CSMD2: variants seen among roughly 807,000 people sequenced by gnomAD.
The protein encoded by CSMD2 is CUB and sushi domain-containing protein 2.
A neutral mutation model predicts 398.5 loss-of-function variants in CSMD2; 130 were observed. The ratio of observed to expected loss-of-function variants is 0.33; its 90% CI spans 0.28 to 0.38. The LOEUF (loss-of-function observed/expected upper bound fraction) is 0.38, where lower values mean the gene tolerates loss of function less well. CSMD2 is among the 10% of genes least tolerant of loss of function. CSMD2 has a pLI of 1.00. For synonymous variants in CSMD2, 1,828 were observed against 1,908.5 expected (o/e 0.96, Z 1.10); for missense variants, 3,829 against 4,764.9 (o/e 0.80, Z 5.78).
Position 33,820,565 on chromosome 1 carries a change from CA to C in CSMD2, c.1112-10del, listed in dbSNP as rs753962666. 0.26 allele frequency: 114,847 copies of C among 437,602 alleles called. 6,307 individuals carry two copies. Among genetic ancestry groups the C allele is most frequent in the African/African-American group, 0.35 (10,517 of 29,950 alleles). The allele number at this position is 437,602 out of a possible 1,614,324, so 27.1% of individuals were successfully genotyped here. A position where few individuals can be genotyped will look rare whatever the true frequency, so the allele number is the denominator to read the frequency against. On this transcript the variant is annotated splice_polypyrimidine_tract_variant and intron_variant, in intron 7 of 70. Coordinates refer to ENST00000373381, the MANE Select transcript of CSMD2 (RefSeq NM_001281956.2). The stretch of plus-strand genomic sequence containing the variant: ...CACACCAACCTGAGTTACTACAAGG[CA>C]AAAAAAAAAAAAAAAAAAAAAACAG...
chr1:33,972,582 G>T (rs1347878648), intron 3 of CSMD2, among the ~76,000 whole-genome samples: 1 of 152,124 alleles, frequency 6.6e-6, no homozygotes, highest in Non-Finnish European at 1.5e-5. Flanking sequence ...CTGTGACCGT[G>T]GAAGTAGGAG....
intron 3 of CSMD2, among the ~76,000 whole-genome samples, chr1:33,938,807 AT>A (rs1181040340): frequency 2.0e-5 from 3 of 148,448 alleles, no homozygotes; most frequent in Non-Finnish European, 4.4e-5. Flanking sequence ...ATTTCCCATG[AT>A]CCCACACTGC....
At chr1:33,661,563 T>C (rs1204912154) in intron 26 of CSMD2, among the ~76,000 whole-genome samples, 1 of 152,204 alleles carries the variant, frequency 6.6e-6, no homozygotes, top group Non-Finnish European at 1.5e-5. Flanking sequence ...CCAGCATCAC[T>C]TGATCATGCA....
chr1:33,835,880 G>T (rs1199339643), intron 6 of CSMD2, among the ~76,000 whole-genome samples: 3 of 152,080 alleles, frequency 2.0e-5, no homozygotes, highest in Non-Finnish European at 4.4e-5. Flanking sequence ...GTCATTCTCT[G>T]TCCAGCTTCG....
intron 5 of CSMD2, among the ~76,000 whole-genome samples, chr1:33,848,329 G>A (rs571047014): frequency 5.9e-5 from 9 of 152,172 alleles, no homozygotes; most frequent in Non-Finnish European, 1.2e-4. Flanking sequence ...TTCACAATCT[G>A]GGGCTATAGC....
chr1:33,763,354 A>G (rs987543860), intron 13 of CSMD2, among the ~76,000 whole-genome samples: 3 of 152,192 alleles, frequency 2.0e-5, no homozygotes, highest in Non-Finnish European at 4.4e-5. Flanking sequence ...GGAGTTTTTT[A>G]GAACTACAAT....
intron 40 of CSMD2, among the ~76,000 whole-genome samples, chr1:33,612,136 A>T (rs933232818): frequency 3.9e-5 from 6 of 152,236 alleles, no homozygotes; most frequent in Non-Finnish European, 8.8e-5. Flanking sequence ...CAAGATCAAG[A>T]AGGTCCTTGT....
At chr1:33,997,247 T>C (rs1316018736) in intron 3 of CSMD2, among the ~76,000 whole-genome samples, 1 of 152,142 alleles carries the variant, frequency 6.6e-6, no homozygotes, top group African/African-American at 2.4e-5. Context: ...GCTGGGATCA[T>C]GTGGCAGATT....
Position 33,724,499 on chromosome 1 carries a change from C to G in CSMD2, c.2884+17G>C. On this transcript the variant is annotated intron_variant, in intron 18 of 70. Coordinates refer to ENST00000373381, the MANE Select transcript of CSMD2 (RefSeq NM_001281956.2). ...GAGGAGTCTGCTACTTTAGCGCCCC[C>G]TCATGGTGTCCCTCACCTTCACAAC... is the stretch of plus-strand genomic sequence containing the variant. 5.6e-6 allele frequency: 9 copies of G among 1,610,398 alleles called. No homozygotes were observed. Among genetic ancestry groups the G allele is most frequent in the Non-Finnish European group, 5.9e-6 (7 of 1,177,922 alleles).
At chr1:33,741,140 G>A (rs865899918) in intron 14 of CSMD2, among the ~76,000 whole-genome samples, 4 of 152,146 alleles carry the variant, frequency 2.6e-5, no homozygotes, top group South Asian at 2.1e-4. Context: ...GTTACCGGGA[G>A]TTCTAGGGGT....
At chr1:33,543,510 T>A (rs1454010083) in intron 57 of CSMD2, among the ~76,000 whole-genome samples, 5 of 152,256 alleles carry the variant, frequency 3.3e-5, no homozygotes, top group Non-Finnish European at 7.3e-5. Context: ...CCTCTCCTAT[T>A]GCATTGGATA....
chr1:34,004,117 A>T (rs186322382), intron 3 of CSMD2, among the ~76,000 whole-genome samples: 1 of 152,310 alleles, frequency 6.6e-6, no homozygotes, highest in South Asian at 2.1e-4. Flanking sequence ...ATGACTTTAG[A>T]TCTGCAGATG....
intron 55 of CSMD2, among the ~76,000 whole-genome samples, chr1:33,550,869 G>A (rs1203661738): frequency 6.6e-6 from 1 of 152,164 alleles, no homozygotes; most frequent in East Asian, 1.9e-4. Flanking sequence ...GTATAGCTGT[G>A]AAAACAAGTG....
At position 33,930,481 on chromosome 1, in the gene CSMD2, C is replaced by T. The variant is rs150090910; in HGVS notation, c.712+5279G>A. 5.6e-3 allele frequency among the ~76,000 whole-genome samples: 854 copies of T among 152,316 alleles called. 6 individuals are homozygous for T. Among genetic ancestry groups the T allele is most frequent in the Middle Eastern group, 0.02 (6 of 294 alleles). Reference sequence around the variant, plus strand: ...GTCCAAGCTTCTGCAGACCGTATTCCGTCTTCCCCAGGTATGGTGACAGCC... The same window carrying T: ...GTCCAAGCTTCTGCAGACCGTATTCTGTCTTCCCCAGGTATGGTGACAGCC... On this transcript the variant is annotated intron_variant, in intron 4 of 70. Coordinates refer to ENST00000373381, the MANE Select transcript of CSMD2 (RefSeq NM_001281956.2).
chr1:33,903,245 GA>G (rs1193308237), intron 5 of CSMD2, among the ~76,000 whole-genome samples: 1 of 149,012 alleles, frequency 6.7e-6, no homozygotes, highest in Non-Finnish European at 1.5e-5. Context: ...TTAGTCAAAA[GA>G]AAAAAAAGCC....
At chr1:33,828,821 G>A (rs1570150811) in intron 6 of CSMD2, among the ~76,000 whole-genome samples, 1 of 152,194 alleles carries the variant, frequency 6.6e-6, no homozygotes, top group Admixed American at 6.5e-5. Context: ...TAATGGATCT[G>A]TGCTTAATAT....
intron 1 of CSMD2, among the ~76,000 whole-genome samples, chr1:34,134,181 T>G (rs1188068895): frequency 6.6e-6 from 1 of 151,580 alleles, no homozygotes; most frequent in Non-Finnish European, 1.5e-5. Context: ...GGTGCCTCCA[T>G]CACATTAGAA....
intron 5 of CSMD2, among the ~76,000 whole-genome samples, chr1:33,901,832 T>A (rs1344764746): frequency 6.6e-6 from 1 of 152,220 alleles, no homozygotes; most frequent in East Asian, 1.9e-4. Context: ...AACTCACGCA[T>A]AAGCCATAAC....
chr1:33,807,059 A>G lies in CSMD2; in HGVS notation c.1446+3684T>C, dbSNP rs188326886. 1.6e-3 allele frequency among the ~76,000 whole-genome samples: 241 copies of G among 152,356 alleles called. 2 individuals are homozygous for G. The highest frequency in any genetic ancestry group is 5.7e-3 in the African/African-American group (238 of 41,586). On this transcript the variant is annotated intron_variant, in intron 10 of 70. Coordinates refer to ENST00000373381, the MANE Select transcript of CSMD2 (RefSeq NM_001281956.2). Reference sequence around the variant, plus strand: ...TTCACACCTAGACACATAAGGGTGAAACTACATAACATTAAAGAACAAGAA... The same window carrying G: ...TTCACACCTAGACACATAAGGGTGAGACTACATAACATTAAAGAACAAGAA...
Sources: allele counts gnomAD v4.1 joint callset (sites outside exome capture counted in the v4.1 genomes callset), GRCh38; gene constraint gnomAD v4.1.1; transcripts MANE v1.5; gene names NCBI Gene and HGNC (gene_info 2026-07-23, HGNC 2026-07-21).